The following SLC6A12 variants were observed in gnomAD, a reference collection of about 807,000 sequenced individuals.
The protein encoded by SLC6A12 is solute carrier family 6 member 12.
SLC6A12 carries 50 observed loss-of-function variants against 73.3 expected under a neutral mutation model. That is an observed-to-expected ratio of 0.68 (90% CI 0.54 to 0.86). The LOEUF is 0.86. Among genes scored for constraint, SLC6A12 ranks in the 40% least tolerant of loss-of-function variants. The pLI, the probability that SLC6A12 is intolerant of heterozygous loss-of-function variation, is 0.00. For missense variants in SLC6A12, 648 were observed against 772.8 expected (o/e 0.84, Z 1.92); for synonymous variants, 304 against 309.2 (o/e 0.98, Z 0.18).
intron 2 of SLC6A12, chr12:210,376 G>C: frequency 1.8e-6 from 2 of 1,114,156 alleles, no homozygotes; most frequent in Non-Finnish European, 2.2e-6. Flanking sequence ...CATCTGCCCA[G>C]GTCCTTGATG....
In SLC6A12 at chr12:197,911, G is replaced by C. The variant is rs1940005248; in HGVS notation, c.939C>G (p.Asn313Lys). The change falls in exon 9 of 16, where the codon AAC becomes AAG. Residue 313 changes from asparagine to lysine, a missense_variant. Physicochemically the swap from Asn to Lys is moderately conservative, Grantham distance 94 (BLOSUM62 0). Transcript: ENST00000684302. ...CACGCTGTTCTCACTTGTAGCAGTTGTTGTGATACTTGTTGTAGCTGCCCA... is the reference window on the plus strand; with the variant it reads ...CACGCTGTTCTCACTTGTAGCAGTTCTTGTGATACTTGTTGTAGCTGCCCA... ...TALGSYNKYHNNCYKDCIALC... is the reference protein window; with the variant it reads ...TALGSYNKYHKNCYKDCIALC... 8 of 1,489,386 alleles carry C rather than the reference G, an allele frequency of 5.4e-6. No homozygotes were observed. Among genetic ancestry groups the C allele is most frequent in the Non-Finnish European group, 7.4e-6 (8 of 1,081,582 alleles). 92.3% of individuals were successfully genotyped at this position (1,489,386 alleles called of 1,614,324 possible).
chr12:187,565 G>GCAGAGCAAGA (rs1555103694), downstream of SLC6A12, among the ~76,000 whole-genome samples: 1 of 119,706 alleles, frequency 8.4e-6, no homozygotes, highest in Non-Finnish European at 1.7e-5. Flanking sequence ...ACAGTGAGCA[G>GCAGAGCAAGA]CAGCAAGATT....
intron 12 of SLC6A12, among the ~76,000 whole-genome samples, chr12:195,878 T>C (rs1274375470): frequency 6.6e-6 from 1 of 151,412 alleles, no homozygotes; most frequent in Non-Finnish European, 1.5e-5. Context: ...TATCCTAGGG[T>C]TTTCAGCAAC....
At chr12:194,843 G>A (rs1274997135) in intron 13 of SLC6A12, among the ~76,000 whole-genome samples, 11 of 152,192 alleles carry the variant, frequency 7.2e-5, no homozygotes, top group African/African-American at 1.9e-4. Flanking sequence ...TGATCGCCTC[G>A]TTGTTGGAAA....
chr12:200,872 A>C, intron 6 of SLC6A12, 89 bp from the exon 7 acceptor site: 1 of 1,388,566 alleles, frequency 7.2e-7, no homozygotes, highest in Admixed American at 2.0e-5. Context: ...CTCAGAGCTG[A>C]CCCCACGGAT....
In SLC6A12 at chr12:191,278, G is replaced by A. The variant is rs572480532; in HGVS notation, c.1702-67C>T. The A allele has an allele frequency of 4.0e-6, 5 of 1,237,122 alleles. No individual in the cohort carries two copies. The South Asian group carries it at 1.2e-4, about 30-fold the overall frequency. 76.6% of individuals were successfully genotyped at this position (1,237,122 alleles called of 1,614,324 possible). ...GAGGCGCAGAAGGTTCCTCATGTGT[G>A]CAACCCCAGGGCCCAGCCCAGAGCG... On this transcript the variant is annotated intron_variant, in intron 15 of 15. Coordinates refer to ENST00000684302, the MANE Select transcript of SLC6A12 (RefSeq NM_001122848.3).
chr12:193,310 G>T lies in SLC6A12; in HGVS notation c.1497C>A (p.Ile499=). 1 of 1,613,994 alleles carries T rather than the reference G, an allele frequency of 6.2e-7. No homozygotes were observed. Among genetic ancestry groups the T allele is most frequent in the South Asian group, 1.1e-5 (1 of 91,074 alleles). Reference sequence around the variant, plus strand: ...GTCCAGGGGTCAGGAAGAGCCAGGAGATCTTCACCAGGGGCCATGGCCGGT... The same window carrying T: ...GTCCAGGGGTCAGGAAGAGCCAGGATATCTTCACCAGGGGCCATGGCCGGT... ...IGYRPWPLVK[I]SWLFLTPGLC... is the part of the protein sequence containing the mutation. Residue 499 remains isoleucine (I), a synonymous_variant, in exon 14 of 16, where the codon ATC becomes ATA. Coordinates refer to ENST00000684302, the MANE Select transcript of SLC6A12 (RefSeq NM_001122848.3).
downstream of SLC6A12, among the ~76,000 whole-genome samples, chr12:188,237 G>C (rs1304329315): frequency 6.6e-6 from 1 of 152,220 alleles, no homozygotes; most frequent in Non-Finnish European, 1.5e-5. Flanking sequence ...CAGGCATGGC[G>C]AGCTGCAGGT....
At chr12:203,085 G>C (rs1336090492) in intron 4 of SLC6A12, among the ~76,000 whole-genome samples, 6 of 36,842 alleles carry the variant, frequency 1.6e-4, no homozygotes, top group Non-Finnish European at 3.3e-4. Flanking sequence ...TTTTTTTTTT[G>C]AGATGGAGTC....
chr12:204,345 C>T (rs1940503203), intron 4 of SLC6A12: 3 of 548,972 alleles, frequency 5.5e-6, no homozygotes, highest in South Asian at 4.4e-5. Flanking sequence ...CCTCCCCCAC[C>T]TCCCCACCAT....
At chr12:197,106 C>CATCCATCCATCCATCTATCCATCT (rs1939914654) in intron 10 of SLC6A12, among the ~76,000 whole-genome samples, 1 of 58,630 alleles carries the variant, frequency 1.7e-5, no homozygotes, top group African/African-American at 7.4e-5. Flanking sequence ...TCCATCCATC[C>CATCCATCCATCCATCTATCCATCT]ATCCATCCAT....
downstream of SLC6A12, among the ~76,000 whole-genome samples, chr12:187,658 A>T (rs12304622): frequency 1.4e-5 from 2 of 141,234 alleles, no homozygotes; most frequent in Non-Finnish European, 3.0e-5. Context: ...CACCCACTGC[A>T]CACAACGCGA....
chr12:189,616 A>T (rs495655), downstream of SLC6A12, among the ~76,000 whole-genome samples: 140,926 of 152,174 alleles, frequency 0.93, 65,456 homozygotes, highest in Non-Finnish European at 0.97. Flanking sequence ...GCTTCCCTTG[A>T]CCCAGGAAAC....
At chr12:206,809 G>A (rs373884397) in intron 3 of SLC6A12, among the ~76,000 whole-genome samples, 17 of 152,250 alleles carry the variant, frequency 1.1e-4, no homozygotes, top group African/African-American at 4.1e-4. Flanking sequence ...CTCGGTAGAG[G>A]GACACGGCCT....
rs1940922577 is a variant in SLC6A12 at position 212,023 on chromosome 12, T to C, written c.-58+3A>G. On this transcript the variant is annotated splice_donor_region_variant and intron_variant, in intron 2 of 15. Coordinates refer to ENST00000684302, the MANE Select transcript of SLC6A12 (RefSeq NM_001122848.3). Reference sequence around the variant, plus strand: ...ACTGTTCTCAATGCTAGAATACACTTACCAAGACAATGAGTCGTGGAGCTG... The same window carrying C: ...ACTGTTCTCAATGCTAGAATACACTCACCAAGACAATGAGTCGTGGAGCTG... The C allele has an allele frequency of 1.3e-5, 2 of 152,216 alleles. No individual in the cohort carries two copies. Among genetic ancestry groups the C allele is most frequent in the Non-Finnish European group, 2.9e-5 (2 of 68,038 alleles). 9.4% of individuals were successfully genotyped at this position (152,216 alleles called of 1,614,324 possible). A position where few individuals can be genotyped will look rare whatever the true frequency, so the allele number is the denominator to read the frequency against.
At chr12:200,609 C>T in intron 7 of SLC6A12, 42 bp downstream of exon 7, 3 of 1,604,176 alleles carry the variant, frequency 1.9e-6, no homozygotes, top group East Asian at 4.5e-5. Context: ...CCCGTAGACT[C>T]TGGGGGCCAA....
chr12:192,620 T>C lies in SLC6A12; in HGVS notation c.1559A>G (p.Tyr520Cys), dbSNP rs202182580. The C allele has an allele frequency of 1.9e-6, 3 of 1,613,776 alleles. No individual in the cohort carries two copies. The highest frequency in any genetic ancestry group is 2.5e-6 in the Non-Finnish European group (3 of 1,179,952). The change falls in exon 15 of 16, where the codon TAC (tyrosine) becomes TGC (cysteine). Residue 520 changes from tyrosine (Y) to cysteine (C), a missense_variant. Coordinates refer to ENST00000684302, the MANE Select transcript of SLC6A12 (RefSeq NM_001122848.3). ...GACGTTGTTGTACTTGAGGGGGGTG[T>C]ACTTGCTCAAGGAGAAGAGGAAAGT... ...LATFLFSLSK[Y>C]TPLKYNNVYV...
downstream of SLC6A12, among the ~76,000 whole-genome samples, chr12:187,612 AAAAAAAAAAAAAAAAAAAAC>A (rs1939457558): frequency 0.019 from 306 of 16,226 alleles, 9 homozygotes; most frequent in African/African-American, 0.027. Context: ...AAAAAAAAAA[AAAAAAAAAAAAAAAAAAAAC>A]AAACCACACA....
At position 191,181 on chromosome 12, in the gene SLC6A12, T is replaced by A; in HGVS notation, c.1732A>T (p.Ser578Cys). 1 of 1,293,734 alleles carries A rather than the reference T, an allele frequency of 7.7e-7. No homozygotes were observed. Among genetic ancestry groups the A allele is most frequent in the Non-Finnish European group, 9.9e-7 (1 of 1,009,370 alleles). 80.1% of individuals were successfully genotyped at this position (1,293,734 alleles called of 1,614,324 possible). The change falls in exon 16 of 16, where the codon AGT becomes TGT. Residue 578 changes from serine (S) to cysteine (C), a missense_variant. Ser to Cys is a moderately radical substitution (Grantham distance 112). Transcript: ENST00000684302. Reference protein sequence around the residue: ...RLRQLITPDSSLPQPKQHPCL... With the variant: ...RLRQLITPDSCLPQPKQHPCL... ...GGATGTTGCTTGGGCTGTGGCAGAC[T>A]GGAGTCAGGGGTGATGAGCTGACGC...
Sources: allele counts gnomAD v4.1 joint callset (sites outside exome capture counted in the v4.1 genomes callset), GRCh38; gene constraint gnomAD v4.1.1; transcripts MANE v1.5; gene names NCBI Gene and HGNC (gene_info 2026-07-23, HGNC 2026-07-21).